CCDC178: variants seen among roughly 807,000 people sequenced by gnomAD.
The protein encoded by CCDC178 is coiled-coil domain containing 178.
CCDC178 carries 126 observed loss-of-function variants against 117.4 expected under a neutral mutation model. That is an observed-to-expected ratio of 1.07 (90% CI 0.93 to 1.24). The LOEUF (loss-of-function observed/expected upper bound fraction) is 1.24, where lower values mean the gene tolerates loss of function less well. CCDC178 is among the 50% of genes most tolerant of loss of function. CCDC178 has a pLI of 0.00. For missense variants in CCDC178, 1,030 were observed against 986.9 expected (o/e 1.04, Z -0.59); for synonymous variants, 283 against 313.4 (o/e 0.90, Z 1.02).
intron 2 of CCDC178, among the ~76,000 whole-genome samples, chr18:33,421,610 C>CT (rs1255973692): frequency 2.6e-5 from 4 of 152,022 alleles, no homozygotes; most frequent in African/African-American, 9.7e-5. Flanking sequence ...ACACCACGAC[C>CT]AGAGAAAGAT....
intron 21 of CCDC178, among the ~76,000 whole-genome samples, chr18:33,045,004 T>C (rs1263841489): frequency 6.6e-6 from 1 of 151,958 alleles, no homozygotes; most frequent in East Asian, 1.9e-4. Context: ...AGACCACAAA[T>C]GGTCGGAGGA....
chr18:33,009,778 C>T (rs776805499), intron 21 of CCDC178, among the ~76,000 whole-genome samples: 10 of 152,114 alleles, frequency 6.6e-5, no homozygotes, highest in Non-Finnish European at 8.8e-5. Context: ...TGAAGCAGAT[C>T]TGCAACATCT....
chr18:33,145,914 G>T (rs2058262288), intron 20 of CCDC178, among the ~76,000 whole-genome samples: 1 of 152,270 alleles, frequency 6.6e-6, no homozygotes, highest in South Asian at 2.1e-4. Context: ...CTGGAGATTT[G>T]GGAAATGTTA....
At chr18:33,057,970 G>A (rs1210199844) in intron 21 of CCDC178, among the ~76,000 whole-genome samples, 1 of 152,100 alleles carries the variant, frequency 6.6e-6, no homozygotes, top group Non-Finnish European at 1.5e-5. Flanking sequence ...CACCCTCTAG[G>A]AGGGCTAAAA....
chr18:33,346,369 A>G lies in CCDC178; in HGVS notation c.500T>C (p.Leu167Pro), dbSNP rs2062893761. 1 of 1,613,656 alleles carries G rather than the reference A, an allele frequency of 6.2e-7. No homozygotes were observed. Among genetic ancestry groups the G allele is most frequent in the Non-Finnish European group, 8.5e-7 (1 of 1,179,654 alleles). The change falls in exon 9 of 23, where the codon CTC becomes CCC. Residue 167 changes from leucine to proline, a missense_variant. Physicochemically the swap from Leu to Pro is moderately conservative, Grantham distance 98 (BLOSUM62 -3). Coordinates refer to ENST00000383096, the MANE Select transcript of CCDC178 (RefSeq NM_001105528.4). ...PELKQEMETL[L>P]SEAIRLIKSL... is the part of the protein sequence containing the mutation. ...TTTAATGAGACGAATGGCCTCTGAG[A>G]GCAATGTTTCCATTTCCTGCTTTAA...
intron 20 of CCDC178, among the ~76,000 whole-genome samples, chr18:33,122,767 G>A (rs2057954496): frequency 6.6e-6 from 1 of 152,086 alleles, no homozygotes; most frequent in Non-Finnish European, 1.5e-5. Context: ...GCTAATGACT[G>A]GAATTTGCTT....
chr18:33,410,601 T>G (rs1363430482), intron 3 of CCDC178, among the ~76,000 whole-genome samples: 1 of 152,202 alleles, frequency 6.6e-6, no homozygotes, highest in Non-Finnish European at 1.5e-5. Context: ...TATTCACGTT[T>G]GGAATTACTA....
At chr18:33,010,246 A>G (rs1255617301) in intron 21 of CCDC178, among the ~76,000 whole-genome samples, 1 of 152,052 alleles carries the variant, frequency 6.6e-6, no homozygotes, top group Admixed American at 6.6e-5. Context: ...CCATTTCATA[A>G]TGGGCTACTG....
intron 21 of CCDC178, among the ~76,000 whole-genome samples, chr18:33,036,018 T>C (rs1359399980): frequency 1.3e-5 from 2 of 151,960 alleles, no homozygotes; most frequent in African/African-American, 4.8e-5. Context: ...AGAGAGCTAT[T>C]TCTTGAAAAA....
At chr18:32,942,971 G>T (rs966923521) in intron 22 of CCDC178, among the ~76,000 whole-genome samples, 5 of 152,106 alleles carry the variant, frequency 3.3e-5, no homozygotes, top group Admixed American at 6.5e-5. Context: ...TATATTGCCA[G>T]ATTTTAACTG....
chr18:32,999,535 C>G (rs550375056), intron 21 of CCDC178, among the ~76,000 whole-genome samples: 1 of 152,050 alleles, frequency 6.6e-6, no homozygotes, highest in African/African-American at 2.4e-5. Context: ...TTAGGCAAAA[C>G]CCAGTGCTGT....
At chr18:32,957,436 T>A (rs566381172) in intron 22 of CCDC178, among the ~76,000 whole-genome samples, 1 of 152,250 alleles carries the variant, frequency 6.6e-6, no homozygotes, top group Non-Finnish European at 1.5e-5. Context: ...AATGAAACTA[T>A]CTTGCTCAAA....
At chr18:33,266,500 G>A (rs912857626) in intron 14 of CCDC178, among the ~76,000 whole-genome samples, 1 of 150,360 alleles carries the variant, frequency 6.7e-6, no homozygotes, top group Admixed American at 6.6e-5. Context: ...ATAAGGCTGT[G>A]TAAAGCTGCT....
intron 20 of CCDC178, among the ~76,000 whole-genome samples, chr18:33,156,677 AAAG>A (rs1220880852): frequency 6.6e-6 from 1 of 151,678 alleles, no homozygotes; most frequent in Non-Finnish European, 1.5e-5. Flanking sequence ...AATAAAAGCA[AAAG>A]AAGAAGTACT....
At chr18:33,318,992 T>TATGC (rs1260879355) in intron 11 of CCDC178, among the ~76,000 whole-genome samples, 3 of 152,120 alleles carry the variant, frequency 2.0e-5, no homozygotes, top group Non-Finnish European at 4.4e-5. Context: ...TGCTAAAGGT[T>TATGC]ATGCTAAAGG....
chr18:33,119,526 C>T (rs1286148583), intron 20 of CCDC178, among the ~76,000 whole-genome samples: 1 of 152,096 alleles, frequency 6.6e-6, no homozygotes, highest in African/African-American at 2.4e-5. Flanking sequence ...ATTAAAAAGT[C>T]AGGAAACAAC....
rs1299634027 is a variant in CCDC178 at position 33,037,456 on chromosome 18, CCTT to C, written c.2388+55302_2388+55304del. ...TGATAAGCTCTAACTAGCCTTAACTCCTTGTTTATTCATTACTGTACAATCACA... is the reference window on the plus strand; with the variant it reads ...TGATAAGCTCTAACTAGCCTTAACTCGTTTATTCATTACTGTACAATCACA... On this transcript the variant is annotated intron_variant, in intron 21 of 22. Coordinates refer to ENST00000383096, the MANE Select transcript of CCDC178 (RefSeq NM_001105528.4). Among the ~76,000 whole-genome samples, 104 of 151,990 alleles carry C rather than the reference CCTT, an allele frequency of 6.8e-4. 1 individual carries two copies. Among genetic ancestry groups the C allele is most frequent in the African/African-American group, 2.2e-3 (93 of 41,504 alleles).
At chr18:33,158,116 C>G (rs1401466424) in intron 20 of CCDC178, among the ~76,000 whole-genome samples, 2 of 152,078 alleles carry the variant, frequency 1.3e-5, no homozygotes, top group Non-Finnish European at 2.9e-5. Context: ...GTGTGTCAAA[C>G]AAGCATTTTC....
intron 20 of CCDC178, among the ~76,000 whole-genome samples, chr18:33,095,001 C>T (rs1215925103): frequency 1.3e-5 from 2 of 151,872 alleles, no homozygotes; most frequent in Admixed American, 6.6e-5. Flanking sequence ...TGAGAGTCCA[C>T]CTCACAACTT....
Sources: gnomAD v4.1 joint callset for allele counts (sites outside exome capture counted in the v4.1 genomes callset) on GRCh38, gnomAD v4.1.1 for gene constraint, MANE v1.5 for transcripts, NCBI Gene and HGNC (gene_info 2026-07-23, HGNC 2026-07-21) for gene names.